Variants in TAF1 observed in about 807,000 individuals in gnomAD.
TAF1 encodes transcription initiation factor TFIID subunit 1.
A neutral mutation model predicts 138.5 loss-of-function variants in TAF1; 2 were observed. That is an observed-to-expected ratio of 0.01 (90% CI 0.01 to 0.05). The LOEUF (loss-of-function observed/expected upper bound fraction) is 0.05, where lower values mean the gene tolerates loss of function less well. TAF1 is among the 10% of genes least tolerant of loss of function. The pLI, the probability that TAF1 is intolerant of heterozygous loss-of-function variation, is 1.00. For synonymous variants in TAF1, 437 were observed against 503.2 expected (o/e 0.87, Z 1.76); for missense variants, 709 against 1,478.0 (o/e 0.48, Z 8.53).
chrX:71,383,879 G>A (rs1045665450), intron 12 of TAF1, 83 bp from the exon 13 acceptor site: 89 of 1,026,003 alleles, frequency 8.7e-5, no homozygotes, highest in Non-Finnish European at 1.1e-4. Context: ...TGTTTTTGGT[G>A]TGTTTGTCTC....
intron 36 of TAF1, among the ~76,000 whole-genome samples, 156 bp downstream of exon 36, chrX:71,459,864 G>A (rs375517955): frequency 3.6e-5 from 4 of 111,660 alleles, no homozygotes; most frequent in South Asian, 3.7e-4. Context: ...GCACTCAGGC[G>A]TAGGATGATC....
intron 16 of TAF1, 95 bp from the exon 17 acceptor site, chrX:71,388,643 T>A: frequency 8.9e-7 from 1 of 1,128,246 alleles, no homozygotes; most frequent in East Asian, 3.0e-5. Context: ...CTAGGCCTGT[T>A]ACAGTTTTGG....
At chrX:71,451,524 G>T (rs1224094204) in intron 32 of TAF1, among the ~76,000 whole-genome samples, 2 of 98,469 alleles carry the variant, frequency 2.0e-5, no homozygotes, top group Non-Finnish European at 4.0e-5. Flanking sequence ...GGTGTTTCTC[G>T]TAGAGGGGGA....
At position 71,377,764 on chromosome X, in the gene TAF1, G is replaced by C; in HGVS notation, c.876G>C (p.Leu292Phe). Residue 292 changes from leucine to phenylalanine, a missense_variant, in exon 6 of 38, where the codon TTG becomes TTC. This residue lies in a region of TAF1 where 26 missense variants were observed against 20.9 expected (regional missense o/e 1.25). Coordinates refer to ENST00000423759, the MANE Select transcript of TAF1 (RefSeq NM_004606.5). ...AATCAGAAGTCAGCCAGAAGTCTTT[G>C]TGGAACTACGACTACGCTCCACCAC... Reference protein sequence around the residue: ...SVESEVSQKSLWNYDYAPPPP... With the variant: ...SVESEVSQKSFWNYDYAPPPP... 1 of 1,211,505 alleles carries C rather than the reference G, an allele frequency of 8.3e-7. No individual in the cohort carries two copies. The highest frequency in any genetic ancestry group is 1.1e-6 in the Non-Finnish European group (1 of 895,493).
At chrX:71,438,100 G>C (rs1396809321) in intron 32 of TAF1, among the ~76,000 whole-genome samples, 2 of 110,580 alleles carry the variant, frequency 1.8e-5, no homozygotes, top group Non-Finnish European at 3.8e-5. Context: ...GCCTTCCAAA[G>C]TGCTGGGATT....
At chrX:71,433,324 G>T (rs1569342393) in intron 32 of TAF1, among the ~76,000 whole-genome samples, 1 of 111,740 alleles carries the variant, frequency 8.9e-6, no homozygotes, top group African/African-American at 3.2e-5. Flanking sequence ...GGAAAGATTT[G>T]GAGCCGAGAG....
At chrX:71,477,315 G>C (rs2038997569) in intron 13 of TAF1, among the ~76,000 whole-genome samples, 1 of 108,907 alleles carries the variant, frequency 9.2e-6, no homozygotes, top group Non-Finnish European at 1.9e-5. Flanking sequence ...TTTTGAGACA[G>C]AGTCTCACTC....
At chrX:71,406,061 G>A (rs1403534489) in intron 25 of TAF1, among the ~76,000 whole-genome samples, 1 of 110,255 alleles carries the variant, frequency 9.1e-6, no homozygotes. Context: ...GGGTTCGATG[G>A]CTCACACCTG....
chrX:71,438,574 A>C (rs1320081207), intron 32 of TAF1, among the ~76,000 whole-genome samples: 1 of 111,910 alleles, frequency 8.9e-6, no homozygotes, highest in African/African-American at 3.2e-5. Context: ...CCAGTCTACC[A>C]AGTAAACAGG....
At chrX:71,429,041 T>G (rs768707720) in intron 32 of TAF1, among the ~76,000 whole-genome samples, 1 of 111,327 alleles carries the variant, frequency 9.0e-6, no homozygotes, top group Non-Finnish European at 1.9e-5. Flanking sequence ...TTTGGGAGGC[T>G]GAGGTGGGCG....
chrX:71,421,185 C>T, intron 28 of TAF1, 124 bp from the exon 29 acceptor site: 1 of 558,047 alleles, frequency 1.8e-6, no homozygotes, highest in Non-Finnish European at 3.0e-6. Flanking sequence ...CTGTCTAACC[C>T]ATCAGTTAGC....
At chrX:71,426,281 C>A (rs915891692) in intron 32 of TAF1, among the ~76,000 whole-genome samples, 1 of 111,461 alleles carries the variant, frequency 9.0e-6, no homozygotes, top group African/African-American at 3.3e-5. Flanking sequence ...AGCCACCACA[C>A]CCATCCAGAA....
downstream of TAF1, among the ~76,000 whole-genome samples, chrX:71,468,830 G>GA (rs1348913507): frequency 2.3e-4 from 23 of 99,793 alleles, no homozygotes; most frequent in East Asian, 2.9e-3. Flanking sequence ...CTGTCTCTAC[G>GA]AAAAAAAAAA....
chrX:71,382,467 G>A, intron 9 of TAF1, 69 bp from the exon 10 acceptor site: 1 of 1,161,718 alleles, frequency 8.6e-7, no homozygotes, highest in Non-Finnish European at 1.1e-6. Context: ...GAAGAAAACT[G>A]GATACTTGTC....
chrX:71,489,814 A>G (rs2039243064), intron 13 of TAF1, among the ~76,000 whole-genome samples: 1 of 112,548 alleles, frequency 8.9e-6, no homozygotes, highest in South Asian at 3.6e-4. Flanking sequence ...GGAATAAATT[A>G]GCAGTAGCAT....
At chrX:71,441,767 ATTAAC>A (rs1406841181) in intron 32 of TAF1, 2 of 212,791 alleles carry the variant, frequency 9.4e-6, no homozygotes, top group Non-Finnish European at 1.7e-5. Context: ...TGCTGCATCC[ATTAAC>A]TTGTCATTTA....
At chrX:71,370,311 T>A (rs1159353439) in intron 3 of TAF1, among the ~76,000 whole-genome samples, 1 of 111,286 alleles carries the variant, frequency 9.0e-6, no homozygotes, top group East Asian at 2.8e-4. Context: ...AGTTCATTTT[T>A]GGCACTGCCC....
intron 24 of TAF1, among the ~76,000 whole-genome samples, chrX:71,400,341 T>C (rs1469258928): frequency 8.9e-6 from 1 of 111,922 alleles, no homozygotes; most frequent in Non-Finnish European, 1.9e-5. Flanking sequence ...TCCTCCCACC[T>C]TGGCCTCCCA....
rs2032971826 is a variant in TAF1 at position 71,370,535 on chromosome X, A to G, written c.352+2365A>G. On this transcript the variant is annotated intron_variant, in intron 3 of 37. Coordinates refer to ENST00000423759, the MANE Select transcript of TAF1 (RefSeq NM_004606.5). The stretch of plus-strand genomic sequence containing the variant: ...CTAATTTTTTTTGTATTTTTAGTAG[A>G]GATGAGGTTTCGCCATCTTGGCCAG... Among the ~76,000 whole-genome samples, 3 of 111,620 alleles carry G rather than the reference A, an allele frequency of 2.7e-5. No homozygotes were observed. The Admixed American group carries it at 2.9e-4, about 11-fold the overall frequency.
Sources: gnomAD v4.1 joint callset for allele counts (sites outside exome capture counted in the v4.1 genomes callset) on GRCh38, gnomAD v4.1.1 for gene constraint, gnomAD v4.1.1 regional missense constraint, MANE v1.5 for transcripts, NCBI Gene and HGNC (gene_info 2026-07-23, HGNC 2026-07-21) for gene names.